STYK1: variants seen among roughly 807,000 people sequenced by gnomAD.
STYK1 encodes tyrosine-protein kinase STYK1.
In STYK1, 46 loss-of-function variants were observed where a neutral mutation model predicts 48.1. The observed-to-expected ratio is 0.96, with a 90% CI of 0.75 to 1.22. The LOEUF is 1.22. STYK1 is among the 50% of genes most tolerant of loss of function. The probability of loss-of-function intolerance (pLI) is 0.00; values close to 1 mark genes in which losing one functional copy is unlikely to be tolerated. For synonymous variants in STYK1, 188 were observed against 189.0 expected, an observed-to-expected ratio of 0.99 and a Z score of 0.04; for missense variants, 527 against 521.1, an observed-to-expected ratio of 1.01 and a Z score of -0.11.
intron 1 of STYK1, among the ~76,000 whole-genome samples, chr12:10,653,606 C>G (rs780479959): frequency 6.6e-6 from 1 of 152,188 alleles, no homozygotes; most frequent in African/African-American, 2.4e-5. Context: ...ATCATTTCCT[C>G]AAAATCCAGT....
chr12:10,647,314 G>T (rs112204162), intron 1 of STYK1, among the ~76,000 whole-genome samples: 1 of 152,230 alleles, frequency 6.6e-6, no homozygotes, highest in Non-Finnish European at 1.5e-5. Context: ...GAATCACCAT[G>T]ACCTGGATGT....
Position 10,624,884 on chromosome 12 carries a change from T to G in STYK1, c.718-25A>C, listed in dbSNP as rs754292602. 18 of 1,607,680 alleles carry G rather than the reference T, an allele frequency of 1.1e-5. No individual in the cohort carries two copies. In the Admixed American group the frequency reaches 2.8e-4, roughly 25 times the overall value. On this transcript the variant is annotated intron_variant, in intron 7 of 10. Coordinates refer to ENST00000075503, the MANE Select transcript of STYK1 (RefSeq NM_018423.3). ...CCTGTCAAGATAAAATCAAATATGA[T>G]CAGCTGTCTGAGATCACAGCTTGGG...
At chr12:10,673,698 C>T (rs1349841914) in intron 1 of STYK1, 8 of 152,032 alleles carry the variant, frequency 5.3e-5, no homozygotes, top group Non-Finnish European at 1.0e-4. Context: ...TCATGTTTCT[C>T]TCTGCACCAA....
rs375012868 is a variant in STYK1, at chr12:10,622,681, G to A, written c.927-3C>T. On this transcript the variant is annotated splice_region_variant and splice_polypyrimidine_tract_variant and intron_variant, in intron 8 of 10. Coordinates refer to ENST00000075503, the MANE Select transcript of STYK1 (RefSeq NM_018423.3). The stretch of plus-strand genomic sequence containing the variant: ...AGAGCAGGATCCCAAAAGACCAGCT[G>A]TAAAAGAAACAAAGCCATCTATTTA... 7 of 1,613,768 alleles carry A rather than the reference G, an allele frequency of 4.3e-6. No individual in the cohort carries two copies. In the African/African-American group the frequency reaches 6.7e-5, roughly 15 times the overall value.
At chr12:10,653,223 C>T (rs938167450) in intron 1 of STYK1, among the ~76,000 whole-genome samples, 3 of 146,118 alleles carry the variant, frequency 2.1e-5, no homozygotes, top group African/African-American at 7.5e-5. Flanking sequence ...CAGGTGCCCA[C>T]CACCATGCCC....
At chr12:10,641,930 G>C (rs1947549709) in intron 1 of STYK1, among the ~76,000 whole-genome samples, 2 of 152,156 alleles carry the variant, frequency 1.3e-5, no homozygotes, top group Admixed American at 6.5e-5. Context: ...TGAGAGATTG[G>C]AAGTTCTAGT....
chr12:10,631,306 T>C lies in STYK1; in HGVS notation c.190A>G (p.Ile64Val). The C allele has an allele frequency of 1.2e-6, 2 of 1,612,348 alleles. No individual in the cohort carries two copies. The highest frequency in any genetic ancestry group is 1.7e-6 in the Non-Finnish European group (2 of 1,178,436). The change falls in exon 5 of 11, where the codon ATT becomes GTT. Residue 64 changes from isoleucine to valine, a missense_variant and splice_region_variant. Physicochemically the swap from Ile to Val is conservative, Grantham distance 29. Transcript: ENST00000075503. The part of the protein sequence containing the change: ...TQQQRSGPQG[I>V]APVPPPRDLS... ...TCCCTAGGTGGAGGAACAGGGGCAA[T>C]GCCTAGAACAGAGAGATGATGTCAA...
At position 10,629,709 on chromosome 12, in the gene STYK1, C is replaced by A; in HGVS notation, c.452-35G>T. On this transcript the variant is annotated intron_variant, in intron 5 of 10. Coordinates refer to ENST00000075503, the MANE Select transcript of STYK1 (RefSeq NM_018423.3). ...ACGAAAGATCCAGGCAGTGAGCAGT[C>A]AGAGCATCCTCGATGAGTGGGAGGC... 1.9e-6 allele frequency: 3 copies of A among 1,613,118 alleles called. No homozygotes were observed. In the South Asian group the frequency reaches 3.3e-5, roughly 18 times the overall value.
intron 7 of STYK1, among the ~76,000 whole-genome samples, chr12:10,625,917 C>A (rs73264011): frequency 0.012 from 1,819 of 152,240 alleles, 43 homozygotes; most frequent in African/African-American, 0.042. Context: ...ATCGGAGAGC[C>A]ATGGCACCCT....
chr12:10,636,546 C>T (rs930402569), intron 2 of STYK1, among the ~76,000 whole-genome samples: 5 of 152,096 alleles, frequency 3.3e-5, no homozygotes, highest in Non-Finnish European at 7.3e-5. Flanking sequence ...AGGACTAGCA[C>T]TAGTGATGAA....
intron 2 of STYK1, among the ~76,000 whole-genome samples, chr12:10,635,128 A>AT (rs1013381785): frequency 4.6e-5 from 7 of 152,090 alleles, no homozygotes; most frequent in African/African-American, 1.7e-4. Context: ...TAAGCAAAAC[A>AT]TTTTTTGAAG....
intron 1 of STYK1, chr12:10,667,491 G>A (rs999988662): frequency 1.3e-5 from 2 of 151,908 alleles, no homozygotes; most frequent in African/African-American, 4.8e-5. Context: ...TTAGCTGGAC[G>A]TGGTGGTGCA....
rs765202407 is a variant in STYK1, at chr12:10,631,326, T to C, written c.188-18A>G. On this transcript the variant is annotated intron_variant, in intron 4 of 10. Transcript: ENST00000075503. ...GGCAATGCCTAGAACAGAGAGATGATGTCAACCAGTTTTTCCCCGCCCTGG... is the reference window on the plus strand; with the variant it reads ...GGCAATGCCTAGAACAGAGAGATGACGTCAACCAGTTTTTCCCCGCCCTGG... 1 of 1,605,146 alleles carries C rather than the reference T, an allele frequency of 6.2e-7. No homozygotes were observed. The highest frequency in any genetic ancestry group is 2.2e-5 in the East Asian group (1 of 44,626).
At chr12:10,666,894 T>C (rs1242825350) in intron 1 of STYK1, among the ~76,000 whole-genome samples, 1 of 152,186 alleles carries the variant, frequency 6.6e-6, no homozygotes, top group African/African-American at 2.4e-5. Flanking sequence ...TACCCAGTCT[T>C]GGGCAGTTCT....
Position 10,621,980 on chromosome 12 carries a change from T to C in STYK1, c.968-8A>G, listed in dbSNP as rs549088406. On this transcript the variant is annotated splice_polypyrimidine_tract_variant and splice_region_variant and intron_variant, in intron 9 of 10. Coordinates refer to ENST00000075503, the MANE Select transcript of STYK1 (RefSeq NM_018423.3). ...CAGGATACGGTGGTGCTCCTGTCATTACGAAAATAATGAGAACTTTAAGGT... is the reference window on the plus strand; with the variant it reads ...CAGGATACGGTGGTGCTCCTGTCATCACGAAAATAATGAGAACTTTAAGGT... 1 of 1,611,786 alleles carries C rather than the reference T, an allele frequency of 6.2e-7. No individual in the cohort carries two copies. Among genetic ancestry groups the C allele is most frequent in the Non-Finnish European group, 8.5e-7 (1 of 1,178,370 alleles).
At chr12:10,626,978 G>A in intron 7 of STYK1, among the ~76,000 whole-genome samples, 1 of 152,228 alleles carries the variant, frequency 6.6e-6, no homozygotes, top group Admixed American at 6.5e-5. Flanking sequence ...CTGCACTCCA[G>A]CCTGGGCAAC....
In STYK1 at chr12:10,620,498, T is replaced by C. The variant is rs1865890484; in HGVS notation, c.1065-150A>G. Reference sequence around the variant, plus strand: ...TACTCATATTCTTCCCAGAGAGTGATATTCCTTCTCAATCTTTTTATATCA... The same window carrying C: ...TACTCATATTCTTCCCAGAGAGTGACATTCCTTCTCAATCTTTTTATATCA... On this transcript the variant is annotated intron_variant, in intron 10 of 10. Transcript: ENST00000075503. The C allele has an allele frequency of 5.7e-6, 4 of 702,262 alleles. No homozygotes were observed. In the Admixed American group the frequency reaches 1.1e-4, roughly 20 times the overall value. 43.5% of individuals were successfully genotyped at this position (702,262 alleles called of 1,614,324 possible).
intron 1 of STYK1, among the ~76,000 whole-genome samples, chr12:10,665,892 A>G (rs966280114): frequency 1.3e-5 from 2 of 152,248 alleles, no homozygotes; most frequent in African/African-American, 4.8e-5. Context: ...AGTAGGAGTC[A>G]GGGAAGCCAT....
chr12:10,636,213 G>C (rs930350461), intron 2 of STYK1, among the ~76,000 whole-genome samples: 1 of 152,168 alleles, frequency 6.6e-6, no homozygotes, highest in African/African-American at 2.4e-5. Context: ...AAGCCTCCCA[G>C]ATTCTGCCTT....
Sources: gnomAD v4.1 joint callset for allele counts (sites outside exome capture counted in the v4.1 genomes callset) on GRCh38, gnomAD v4.1.1 for gene constraint, MANE v1.5 for transcripts, NCBI Gene and HGNC (gene_info 2026-07-23, HGNC 2026-07-21) for gene names.